Variants in HMG20A observed in about 807,000 individuals in gnomAD.
HMG20A encodes high mobility group protein 20A.
In HMG20A, 17 loss-of-function variants were observed where a neutral mutation model predicts 43.9. The ratio of observed to expected loss-of-function variants is 0.39; its 90% CI spans 0.27 to 0.58. The LOEUF (loss-of-function observed/expected upper bound fraction) is 0.58. HMG20A is among the 20% of genes least tolerant of loss of function. The pLI is 0.59. For missense variants in HMG20A, 341 were observed against 438.2 expected (o/e 0.78, Z 1.98); for synonymous variants, 132 against 147.5 (o/e 0.89, Z 0.76).
At chr15:77,449,217 C>T (rs1486033931) in intron 1 of HMG20A, among the ~76,000 whole-genome samples, 3 of 151,858 alleles carry the variant, frequency 2.0e-5, no homozygotes, top group African/African-American at 7.3e-5. Context: ...TATGTTTAGA[C>T]CCTAATTGCC....
intron 6 of HMG20A, among the ~76,000 whole-genome samples, chr15:77,473,033 T>C (rs992335319): frequency 1.3e-5 from 2 of 152,252 alleles, no homozygotes; most frequent in African/African-American, 2.4e-5. Flanking sequence ...AAAAAGAATT[T>C]TCTGATGTAC....
intron 2 of HMG20A, among the ~76,000 whole-genome samples, chr15:77,459,611 A>G (rs1390730091): frequency 1.3e-5 from 2 of 152,216 alleles, no homozygotes; most frequent in African/African-American, 4.8e-5. Context: ...GGCAACTGGC[A>G]TGCAGTTTTC....
intron 1 of HMG20A, among the ~76,000 whole-genome samples, chr15:77,455,280 G>T (rs1023501066): frequency 6.8e-6 from 1 of 146,606 alleles, no homozygotes; most frequent in African/African-American, 2.5e-5. Flanking sequence ...CCATAGCAAT[G>T]TTCTGATTAT....
the HMG20A span, among the ~76,000 whole-genome samples, chr15:77,511,001 AAGC>A: frequency 6.6e-6 from 1 of 152,232 alleles, no homozygotes; most frequent in Non-Finnish European, 1.5e-5. Flanking sequence ...CACTTCGTGA[AAGC>A]AGCAGAAGGG....
the HMG20A span, among the ~76,000 whole-genome samples, chr15:77,503,669 G>A: frequency 2.6e-5 from 4 of 152,226 alleles, no homozygotes; most frequent in Admixed American, 1.3e-4. Flanking sequence ...CATGTCACAC[G>A]ATTCTAGGGG....
At chr15:77,501,019 G>A in the HMG20A span, among the ~76,000 whole-genome samples, 37 of 152,064 alleles carry the variant, frequency 2.4e-4, no homozygotes, top group Non-Finnish European at 1.5e-4. Flanking sequence ...CAGAATTCAC[G>A]GCTCCAGCAT....
chr15:77,471,683 A>G (rs1595929457), intron 5 of HMG20A, 100 bp from the exon 6 acceptor site: 1 of 743,542 alleles, frequency 1.3e-6, no homozygotes, highest in African/African-American at 1.8e-5. Context: ...GAGAATCTAC[A>G]TATACAAGCA....
At chr15:77,486,258 G>A (rs1374945143), downstream of HMG20A, among the ~76,000 whole-genome samples, 1 of 136,548 alleles carries the variant, frequency 7.3e-6, no homozygotes, top group Admixed American at 7.4e-5. Flanking sequence ...TTAAATGCTT[G>A]CTTTTTTTTT....
the HMG20A span, among the ~76,000 whole-genome samples, chr15:77,517,290 G>A: frequency 8.5e-5 from 13 of 152,096 alleles, no homozygotes; most frequent in Non-Finnish European, 1.3e-4. Flanking sequence ...TGAGGATCTC[G>A]TGGTCTACAT....
intron 6 of HMG20A, 81 bp from the exon 7 acceptor site, chr15:77,477,474 G>C (rs1164005855): frequency 4.1e-6 from 4 of 977,700 alleles, no homozygotes; most frequent in African/African-American, 3.3e-5. Flanking sequence ...CTTTAAAGAA[G>C]ACATGATCAT....
intron 1 of HMG20A, among the ~76,000 whole-genome samples, chr15:77,422,437 G>A (rs1301505680): frequency 6.6e-6 from 1 of 152,142 alleles, no homozygotes. Flanking sequence ...CCAGCATGGT[G>A]AAACCCCGTC....
At chr15:77,422,698 A>G (rs2073383523) in intron 1 of HMG20A, among the ~76,000 whole-genome samples, 1 of 152,212 alleles carries the variant, frequency 6.6e-6, no homozygotes, top group Admixed American at 6.5e-5. Context: ...GTAAAAAAAA[A>G]TACATGTTTT....
At chr15:77,424,084 G>A (rs1239500875) in intron 1 of HMG20A, among the ~76,000 whole-genome samples, 1 of 152,024 alleles carries the variant, frequency 6.6e-6, no homozygotes, top group Non-Finnish European at 1.5e-5. Flanking sequence ...CTAGAATTTT[G>A]CTCCCTTGGT....
chr15:77,448,062 G>C (rs2073694634), intron 1 of HMG20A, among the ~76,000 whole-genome samples: 1 of 152,134 alleles, frequency 6.6e-6, no homozygotes, highest in Admixed American at 6.5e-5. Flanking sequence ...TTAGAAACTA[G>C]CTTTACCTTC....
intron 7 of HMG20A, 157 bp from the exon 8 acceptor site, chr15:77,478,138 C>G: frequency 1.5e-6 from 1 of 653,864 alleles, no homozygotes; most frequent in East Asian, 2.7e-5. Flanking sequence ...CGTTTCATTG[C>G]TGAAATTGCT....
intron 6 of HMG20A, among the ~76,000 whole-genome samples, chr15:77,477,137 A>G (rs942000598): frequency 6.6e-6 from 1 of 152,232 alleles, no homozygotes; most frequent in African/African-American, 2.4e-5. Flanking sequence ...TTTATATTGC[A>G]TAATCTTATC....
chr15:77,490,353 G>C (rs572286301), downstream of HMG20A, among the ~76,000 whole-genome samples: 2 of 152,128 alleles, frequency 1.3e-5, no homozygotes, highest in African/African-American at 4.8e-5. Context: ...TGTGGGGTGG[G>C]CAAGAGAAGA....
intron 1 of HMG20A, among the ~76,000 whole-genome samples, chr15:77,438,870 A>G (rs2073579081): frequency 6.6e-6 from 1 of 152,004 alleles, no homozygotes; most frequent in African/African-American, 2.4e-5. Context: ...GGCTCACTGC[A>G]AGCTCCGCCT....
chr15:77,425,300 T>C (rs993837719), intron 1 of HMG20A, among the ~76,000 whole-genome samples: 1 of 152,208 alleles, frequency 6.6e-6, no homozygotes, highest in African/African-American at 2.4e-5. Flanking sequence ...CACTCTGTGC[T>C]GTCATACCTG....
Sources: allele counts gnomAD v4.1 joint callset (sites outside exome capture counted in the v4.1 genomes callset), GRCh38; gene constraint gnomAD v4.1.1; transcripts MANE v1.5; gene names NCBI Gene and HGNC (gene_info 2026-07-23, HGNC 2026-07-21).